The following LTBP1 variants were observed in gnomAD, a reference collection of about 807,000 sequenced individuals.
LTBP1 encodes the protein latent transforming growth factor beta binding protein 1, also known as latent-transforming growth factor beta-binding protein 1.
A neutral mutation model predicts 207.6 loss-of-function variants in LTBP1; 129 were observed. The observed-to-expected ratio is 0.62, with a 90% CI of 0.54 to 0.72. The LOEUF (loss-of-function observed/expected upper bound fraction) is 0.72, where lower values mean the gene tolerates loss of function less well. Ranked by LOEUF, LTBP1 falls within the 30% of genes least tolerant of loss-of-function variation. LTBP1 has a pLI of 0.00. For missense variants in LTBP1, 2,281 were observed against 2,217.2 expected, an observed-to-expected ratio of 1.03 and a Z score of -0.58; for synonymous variants, 963 against 833.7, an observed-to-expected ratio of 1.16 and a Z score of -2.67.
At chr2:33,029,464 G>A (rs956329994) in intron 3 of LTBP1, among the ~76,000 whole-genome samples, 1 of 152,088 alleles carries the variant, frequency 6.6e-6, no homozygotes, top group East Asian at 1.9e-4. Flanking sequence ...GCAACAGAGT[G>A]AGACTCCATC....
intron 7 of LTBP1, among the ~76,000 whole-genome samples, chr2:33,206,517 G>A (rs1303541692): frequency 6.6e-6 from 1 of 152,216 alleles, no homozygotes; most frequent in East Asian, 1.9e-4. Flanking sequence ...GAGGCGGGCG[G>A]ATCACGAGGT....
intron 2 of LTBP1, among the ~76,000 whole-genome samples, chr2:32,959,607 A>ATGTATG (rs1478579576): frequency 2.7e-5 from 1 of 37,032 alleles, no homozygotes; most frequent in African/African-American, 6.7e-5. Flanking sequence ...GTATATATAT[A>ATGTATG]TATATATATA....
chr2:32,971,000 ATTTG>A (rs1286849972), intron 2 of LTBP1, among the ~76,000 whole-genome samples: 3 of 99,678 alleles, frequency 3.0e-5, no homozygotes, highest in African/African-American at 1.1e-4. Context: ...ATTCCTAGGT[ATTTG>A]TGTGTGTGTG....
At chr2:33,250,576 C>A (rs1026709585) in intron 10 of LTBP1, among the ~76,000 whole-genome samples, 4 of 152,146 alleles carry the variant, frequency 2.6e-5, no homozygotes, top group African/African-American at 9.7e-5. Flanking sequence ...AGATGAGAGA[C>A]CTCCAGTGAT....
chr2:33,091,951 G>C (rs1460732262), intron 3 of LTBP1, among the ~76,000 whole-genome samples: 1 of 152,186 alleles, frequency 6.6e-6, no homozygotes, highest in Admixed American at 6.5e-5. Context: ...ATTACCCCCA[G>C]CTCAAGAGAG....
chr2:33,018,715 A>C (rs1688734087), intron 2 of LTBP1, among the ~76,000 whole-genome samples: 1 of 152,242 alleles, frequency 6.6e-6, no homozygotes, highest in Non-Finnish European at 1.5e-5. Context: ...CTAGAATTCT[A>C]GAAGCAGAGT....
chr2:32,988,202 G>A (rs967041469), intron 2 of LTBP1, among the ~76,000 whole-genome samples: 6 of 152,218 alleles, frequency 3.9e-5, no homozygotes, highest in Non-Finnish European at 8.8e-5. Context: ...CCAGAACTGC[G>A]AGAGAATAAG....
intron 3 of LTBP1, among the ~76,000 whole-genome samples, chr2:33,082,686 A>C (rs928162240): frequency 6.6e-6 from 1 of 151,960 alleles, no homozygotes; most frequent in Non-Finnish European, 1.5e-5. Context: ...CAGCCTCCCA[A>C]AGTGCCGGGA....
At chr2:33,006,355 A>G (rs1686860410) in intron 2 of LTBP1, among the ~76,000 whole-genome samples, 1 of 150,946 alleles carries the variant, frequency 6.6e-6, no homozygotes, top group South Asian at 2.1e-4. Flanking sequence ...TAATTTCTCC[A>G]TTCAGAATGT....
chr2:32,983,647 C>T (rs1310047942), intron 2 of LTBP1, among the ~76,000 whole-genome samples: 10 of 152,308 alleles, frequency 6.6e-5, no homozygotes, highest in Non-Finnish European at 1.2e-4. Context: ...TTTTCCTGTG[C>T]TGTTCTCGTG....
rs545808729 is a variant in LTBP1, at chr2:33,361,780, TATA to T, written c.4270+268_4270+270del. ...GAGATAGGAATAATTTCTCAAAGGT[TATA>T]ATGATTAAGATATATATCTGAAAGT... On this transcript the variant is annotated intron_variant, in intron 28 of 33. Coordinates refer to ENST00000404816, the MANE Select transcript of LTBP1 (RefSeq NM_206943.4). 7.0e-4 allele frequency among the ~76,000 whole-genome samples: 106 copies of T among 152,334 alleles called. 2 individuals carry two copies. Among genetic ancestry groups the T allele is most frequent in the African/African-American group, 2.3e-3 (94 of 41,578 alleles).
At chr2:33,252,539 G>C in intron 10 of LTBP1, 138 bp from the exon 11 acceptor site, 1 of 765,626 alleles carries the variant, frequency 1.3e-6, no homozygotes, top group Middle Eastern at 3.7e-4. Context: ...TTCAAGAAAG[G>C]TGATGCTCTA....
intron 3 of LTBP1, among the ~76,000 whole-genome samples, chr2:33,072,516 C>A (rs438695): frequency 0.75 from 113,498 of 152,012 alleles, 44,803 homozygotes; most frequent in East Asian, 0.99. Flanking sequence ...AAGGTCCTCG[C>A]ATTTGTTCAC....
intron 30 of LTBP1, 149 bp from the exon 31 acceptor site, chr2:33,365,184 C>T (rs919071739): frequency 1.5e-5 from 10 of 653,270 alleles, no homozygotes; most frequent in Admixed American, 8.4e-5. Flanking sequence ...AGAATTGATC[C>T]ATTGAAAGAC....
In LTBP1 at chr2:32,947,543, C is replaced by T. The variant is rs1676367082; in HGVS notation, c.219C>T (p.Ser73=). The T allele has an allele frequency of 2.2e-6, 3 of 1,382,496 alleles. No individual in the cohort carries two copies. Among genetic ancestry groups the T allele is most frequent in the Admixed American group, 3.2e-5 (1 of 30,776 alleles). 85.6% of individuals were successfully genotyped at this position (1,382,496 alleles called of 1,614,324 possible). Reference sequence around the variant, plus strand: ...GCTCGGCGGCTGCCGGCGCCCCCAGCCGTGCCTCCCCCGGGGTCCCCTCGG... The same window carrying T: ...GCTCGGCGGCTGCCGGCGCCCCCAGTCGTGCCTCCCCCGGGGTCCCCTCGG... The part of the protein sequence containing the change: ...SRSSAAAGAP[S]RASPGVPSER... Residue 73 remains serine, a synonymous_variant, in exon 1 of 34, where the codon AGC becomes AGT. Coordinates refer to ENST00000404816, the MANE Select transcript of LTBP1 (RefSeq NM_206943.4).
At position 33,315,044 on chromosome 2, in the gene LTBP1, T is replaced by TCCAG. The variant is rs2094246517; in HGVS notation, c.3605-96_3605-93dup. 1.7e-5 allele frequency: 16 copies of TCCAG among 936,214 alleles called. No homozygotes were observed. In the South Asian group the frequency reaches 2.8e-4, roughly 17 times the overall value. The allele number at this position is 936,214 out of a possible 1,614,324, so 58.0% of individuals were successfully genotyped here. On this transcript the variant is annotated intron_variant, in intron 23 of 33. Coordinates refer to ENST00000404816, the MANE Select transcript of LTBP1 (RefSeq NM_206943.4). ...GTATAGTTGTTCCACTAAATAAATG[T>TCCAG]CCAGCCATGTCATAATAGATTTATT...
chr2:33,378,183 A>ATG (rs1196073958), intron 31 of LTBP1, among the ~76,000 whole-genome samples: 1,492 of 136,324 alleles, frequency 0.011, 17 homozygotes, highest in African/African-American at 0.031. Flanking sequence ...ATATATATAT[A>ATG]TATGTGTGTG....
At chr2:33,086,884 T>A (rs996917192) in intron 3 of LTBP1, among the ~76,000 whole-genome samples, 17 of 145,572 alleles carry the variant, frequency 1.2e-4, no homozygotes, top group African/African-American at 4.2e-4. Context: ...TATTTATATA[T>A]TTATTTATTT....
At chr2:33,230,748 A>T (rs2091737419) in intron 9 of LTBP1, among the ~76,000 whole-genome samples, 1 of 152,188 alleles carries the variant, frequency 6.6e-6, no homozygotes, top group Non-Finnish European at 1.5e-5. Context: ...TCAAAAATAG[A>T]ATTTGGTTCT....
Sources: gnomAD v4.1 joint callset for allele counts (sites outside exome capture counted in the v4.1 genomes callset) on GRCh38, gnomAD v4.1.1 for gene constraint, MANE v1.5 for transcripts, NCBI Gene and HGNC (gene_info 2026-07-23, HGNC 2026-07-21) for gene names.